Variants in GRB10 observed in about 807,000 individuals in gnomAD.
GRB10 encodes growth factor receptor bound protein 10.
In GRB10, 20 loss-of-function variants were observed where a neutral mutation model predicts 80.9. The observed-to-expected ratio is 0.25, with a 90% CI of 0.17 to 0.36. The LOEUF (loss-of-function observed/expected upper bound fraction) is 0.36. Among genes scored for constraint, GRB10 ranks in the 10% least tolerant of loss-of-function variants. The pLI is 1.00. For missense variants in GRB10, 548 were observed against 747.7 expected (o/e 0.73, Z 3.12); for synonymous variants, 291 against 291.5 (o/e 1.00, Z 0.02).
chr7:50,725,918 A>T (rs935383148), intron 4 of GRB10: 3 of 152,224 alleles, frequency 2.0e-5, no homozygotes, highest in Admixed American at 1.3e-4. Context: ...AAAACCAGAC[A>T]GTGGAATGGT....
chr7:50,710,747 T>G (rs757538649), intron 4 of GRB10: 29 of 1,016,846 alleles, frequency 2.9e-5, no homozygotes, highest in Non-Finnish European at 4.2e-5. Flanking sequence ...TCGGGGTATC[T>G]CCACACCTTC....
intron 17 of GRB10, among the ~76,000 whole-genome samples, chr7:50,598,233 C>T (rs2046991131): frequency 6.6e-6 from 1 of 152,174 alleles, no homozygotes; most frequent in Admixed American, 6.5e-5. Flanking sequence ...TGTGCATGAT[C>T]ACACGCAATA....
In GRB10 at chr7:50,669,751, A is replaced by C. The variant is rs1417802740; in HGVS notation, c.475T>G (p.Leu159Val). 1.2e-6 allele frequency: 2 copies of C among 1,613,756 alleles called. No homozygotes were observed. Among genetic ancestry groups the C allele is most frequent in the Admixed American group, 1.7e-5 (1 of 60,024 alleles). ...GSPPVLTPGS[L>V]PPSQAAAKQD... ...TTTGCGGCGGCCTGGCTCGGAGGTA[A>C]AGAACCCGGCGTGAGCACAGGGGGG... Residue 159 changes from leucine to valine, a missense_variant, in exon 7 of 19, where the codon TTA (leucine) becomes GTA (valine). Transcript: ENST00000401949.
At chr7:50,706,083 A>G (rs961899315) in intron 4 of GRB10, among the ~76,000 whole-genome samples, 8 of 152,228 alleles carry the variant, frequency 5.3e-5, no homozygotes, top group Non-Finnish European at 8.8e-5. Flanking sequence ...ATGCAAAGAA[A>G]ATTTTTATAT....
At chr7:50,662,910 C>T (rs2059423422) in intron 7 of GRB10, among the ~76,000 whole-genome samples, 1 of 152,226 alleles carries the variant, frequency 6.6e-6, no homozygotes, top group South Asian at 2.1e-4. Flanking sequence ...AGGTGATGCT[C>T]TTACAGACAC....
chr7:50,673,469 C>G (rs1470656576), intron 6 of GRB10, among the ~76,000 whole-genome samples: 1 of 152,154 alleles, frequency 6.6e-6, no homozygotes, highest in Non-Finnish European at 1.5e-5. Flanking sequence ...GCACTCGAGA[C>G]AAAATCCAAG....
intron 5 of GRB10, among the ~76,000 whole-genome samples, chr7:50,686,200 CAA>C (rs1278164737): frequency 2.0e-5 from 3 of 152,108 alleles, no homozygotes; most frequent in Admixed American, 2.0e-4. Context: ...GGGTAGAACC[CAA>C]ATGATGGAAT....
At chr7:50,779,274 A>G (rs2078030656) in intron 2 of GRB10, 1 of 152,162 alleles carries the variant, frequency 6.6e-6, no homozygotes, top group Non-Finnish European at 1.5e-5. Context: ...CTGGTCAGAA[A>G]CCCAAAACCT....
intron 7 of GRB10, among the ~76,000 whole-genome samples, chr7:50,645,016 C>T (rs898251441): frequency 1.1e-4 from 17 of 152,212 alleles, no homozygotes; most frequent in African/African-American, 2.6e-4. Flanking sequence ...GTCTGGACGA[C>T]GCAGAAAATG....
chr7:50,593,413 T>C (rs569532251), intron 18 of GRB10, among the ~76,000 whole-genome samples: 1 of 152,174 alleles, frequency 6.6e-6, no homozygotes, highest in South Asian at 2.1e-4. Flanking sequence ...CTCATGAGAA[T>C]TACATTTACC....
At chr7:50,655,159 C>T (rs533625857) in intron 7 of GRB10, among the ~76,000 whole-genome samples, 1 of 152,272 alleles carries the variant, frequency 6.6e-6, no homozygotes, top group East Asian at 1.9e-4. Flanking sequence ...CAGCTGACGT[C>T]CCTTTGAGAT....
rs1329436760 is a variant in GRB10, at chr7:50,703,841, T to C, written c.119A>G (p.Asp40Gly). ...PAGPGLPAQSDRLANHQEDDV... is the reference protein window; with the variant it reads ...PAGPGLPAQSGRLANHQEDDV... ...CTTACCCTGGTGATTCGCAAGTCGG[T>C]CAGACTGTGCGGGGAGTCCTGGTCC... Residue 40 changes from aspartate (D) to glycine (G), a missense_variant, in exon 5 of 19, where the codon GAC (aspartate) becomes GGC (glycine). Coordinates refer to ENST00000401949, the MANE Select transcript of GRB10 (RefSeq NM_001350814.2). 3 of 1,613,128 alleles carry C rather than the reference T, an allele frequency of 1.9e-6. No homozygotes were observed. The highest frequency in any genetic ancestry group is 1.7e-6 in the Non-Finnish European group (2 of 1,179,268).
chr7:50,724,873 G>A (rs2068344122), intron 4 of GRB10, among the ~76,000 whole-genome samples: 1 of 152,188 alleles, frequency 6.6e-6, no homozygotes. Context: ...AGGGTCATGA[G>A]TTCCCTTCCC....
In GRB10 at chr7:50,590,762, CG is replaced by C. The variant is rs1235808247; in HGVS notation, c.*2189del. On this transcript the variant is annotated 3_prime_UTR_variant, in exon 19 of 19. Transcript: ENST00000401949. ...TGGGGCCTTAGGAAGTCTGCCGCCA[CG>C]TGGAGGCGGTTTACATTCTCCAACA... 6.6e-6 allele frequency: 1 copy of C among 152,576 alleles called. No individual in the cohort carries two copies. The highest frequency in any genetic ancestry group is 1.5e-5 in the Non-Finnish European group (1 of 68,048). 9.5% of individuals were successfully genotyped at this position (152,576 alleles called of 1,614,324 possible). A position where few individuals can be genotyped will look rare whatever the true frequency, so the allele number is the denominator to read the frequency against.
rs149234787 is a variant in GRB10 at position 50,631,474 on chromosome 7, G to T, written c.505-4496C>A. 2.0e-3 allele frequency among the ~76,000 whole-genome samples: 301 copies of T among 152,266 alleles called. 1 individual carries two copies. The highest frequency in any genetic ancestry group is 6.9e-3 in the African/African-American group (286 of 41,542). ...CTCTTGCGACCAGTTTCATCCCAGTGCTTAATTATGATCTAGCATACTTTT... is the reference window on the plus strand; with the variant it reads ...CTCTTGCGACCAGTTTCATCCCAGTTCTTAATTATGATCTAGCATACTTTT... On this transcript the variant is annotated intron_variant, in intron 7 of 18. Transcript: ENST00000401949.
At chr7:50,646,978 G>A (rs17545762) in intron 7 of GRB10, among the ~76,000 whole-genome samples, 5,879 of 152,216 alleles carry the variant, frequency 0.039, 147 homozygotes, top group Middle Eastern at 0.078. Flanking sequence ...CCACAAAGTC[G>A]GCAACCCCAA....
intron 4 of GRB10, among the ~76,000 whole-genome samples, chr7:50,720,710 TTTAAA>T (rs1388368251): frequency 6.6e-6 from 1 of 152,202 alleles, no homozygotes; most frequent in Non-Finnish European, 1.5e-5. Flanking sequence ...GAAGCTTATG[TTTAAA>T]TTACTCTGTA....
At chr7:50,664,575 G>A (rs1393524456) in intron 7 of GRB10, among the ~76,000 whole-genome samples, 3 of 152,064 alleles carry the variant, frequency 2.0e-5, no homozygotes, top group African/African-American at 4.8e-5. Flanking sequence ...CCTCCCTCCC[G>A]ACACCCGAGG....
chr7:50,754,134 C>T (rs1461097134), intron 3 of GRB10, among the ~76,000 whole-genome samples: 1 of 152,210 alleles, frequency 6.6e-6, no homozygotes, highest in Non-Finnish European at 1.5e-5. Flanking sequence ...GGGCTGCCTT[C>T]CTGAAGCTCG....
Sources: allele counts gnomAD v4.1 joint callset (sites outside exome capture counted in the v4.1 genomes callset), GRCh38; gene constraint gnomAD v4.1.1; transcripts MANE v1.5; gene names NCBI Gene and HGNC (gene_info 2026-07-23, HGNC 2026-07-21).